Variants in TAS2R1 observed in about 807,000 individuals in gnomAD.
The protein encoded by TAS2R1 is taste receptor type 2 member 1.
For missense variants in TAS2R1, 370 were observed against 353.4 expected (o/e 1.05, Z -0.38); for synonymous variants, 141 against 134.2 (o/e 1.05, Z -0.35).
At chr5:9,828,955 T>C in the TAS2R1 span, among the ~76,000 whole-genome samples, 2 of 152,228 alleles carry the variant, frequency 1.3e-5, no homozygotes, top group African/African-American at 4.8e-5. Context: ...TTAGATCTAC[T>C]GGGTATATGG....
chr5:9,683,619 C>G (rs1741070556), intron 1 of TAS2R1, among the ~76,000 whole-genome samples: 1 of 152,174 alleles, frequency 6.6e-6, no homozygotes, highest in African/African-American at 2.4e-5. Flanking sequence ...TAGCTAGTGC[C>G]CTTGGCAGGC....
the TAS2R1 span, among the ~76,000 whole-genome samples, chr5:9,718,258 T>C: frequency 4.3e-4 from 64 of 150,042 alleles, no homozygotes; most frequent in South Asian, 2.9e-3. Flanking sequence ...CGTGAGCCAC[T>C]GCGCCCAGCC....
chr5:9,677,024 G>C (rs530988510), intron 1 of TAS2R1, among the ~76,000 whole-genome samples: 110 of 152,182 alleles, frequency 7.2e-4, no homozygotes, highest in Non-Finnish European at 9.1e-4. Flanking sequence ...ATCAGTGATA[G>C]ACTGGATAAA....
intron 2 of TAS2R1, among the ~76,000 whole-genome samples, chr5:9,635,356 T>C (rs1338710818): frequency 1.3e-5 from 2 of 152,168 alleles, no homozygotes; most frequent in Non-Finnish European, 2.9e-5. Flanking sequence ...GCTAGTATTT[T>C]GTTGGGGACT....
At chr5:9,824,031 C>T in the TAS2R1 span, among the ~76,000 whole-genome samples, 1 of 152,180 alleles carries the variant, frequency 6.6e-6, no homozygotes, top group East Asian at 1.9e-4. Flanking sequence ...CTCCTGAGAA[C>T]TGAAGCTATG....
At chr5:9,807,218 G>A in the TAS2R1 span, among the ~76,000 whole-genome samples, 2 of 152,098 alleles carry the variant, frequency 1.3e-5, no homozygotes, top group African/African-American at 4.8e-5. Flanking sequence ...CCTCACTGCT[G>A]CAAGAATGGC....
At chr5:9,881,268 T>C in the TAS2R1 span, among the ~76,000 whole-genome samples, 1 of 151,652 alleles carries the variant, frequency 6.6e-6, no homozygotes, top group Non-Finnish European at 1.5e-5. Flanking sequence ...ACAAAGAGAA[T>C]AAAATACCTA....
rs530560500 is a variant in TAS2R1 at position 9,644,756 on chromosome 5, G to A, written c.-81+14665C>T. 1.9e-4 allele frequency among the ~76,000 whole-genome samples: 29 copies of A among 152,250 alleles called. No homozygotes were observed. In the South Asian group the frequency reaches 6.0e-3, roughly 32 times the overall value. ...CTGTAAATAAGAAACCACATTTTGT[G>A]CATTCGTGTCACTTCGATTGTCCTG... On this transcript the variant is annotated intron_variant, in intron 2 of 2. Coordinates refer to the TAS2R1 transcript ENST00000506620.
At chr5:9,861,398 T>C in the TAS2R1 span, among the ~76,000 whole-genome samples, 1 of 152,218 alleles carries the variant, frequency 6.6e-6, no homozygotes, top group East Asian at 1.9e-4. Flanking sequence ...TTATTTTGTC[T>C]GTTTGGATCA....
the TAS2R1 span, among the ~76,000 whole-genome samples, chr5:9,848,183 G>A: frequency 6.6e-6 from 1 of 152,144 alleles, no homozygotes; most frequent in Non-Finnish European, 1.5e-5. Flanking sequence ...AATAAATTCC[G>A]CAGGTTTACA....
chr5:9,792,236 C>T, the TAS2R1 span, among the ~76,000 whole-genome samples: 2 of 152,138 alleles, frequency 1.3e-5, no homozygotes, highest in Non-Finnish European at 2.9e-5. Flanking sequence ...CACAGAAACA[C>T]ACACATATAT....
chr5:9,789,116 C>T, the TAS2R1 span, among the ~76,000 whole-genome samples: 1 of 152,152 alleles, frequency 6.6e-6, no homozygotes, highest in African/African-American at 2.4e-5. Context: ...CCCCAAGTAA[C>T]TTATCCAGCT....
At chr5:9,753,909 A>G in the TAS2R1 span, among the ~76,000 whole-genome samples, 1 of 152,078 alleles carries the variant, frequency 6.6e-6, no homozygotes, top group African/African-American at 2.4e-5. Flanking sequence ...TGGTCTATAT[A>G]TCTGTTTTGG....
the TAS2R1 span, among the ~76,000 whole-genome samples, chr5:9,899,996 T>A: frequency 6.6e-6 from 1 of 152,200 alleles, no homozygotes; most frequent in Non-Finnish European, 1.5e-5. Flanking sequence ...TAAGTCTCCA[T>A]TTCTCTAAGA....
the TAS2R1 span, among the ~76,000 whole-genome samples, chr5:9,838,360 G>A: frequency 1.3e-5 from 2 of 152,192 alleles, no homozygotes; most frequent in Admixed American, 6.5e-5. Context: ...TCAAGAGTAT[G>A]TGGGAAAGAG....
At chr5:9,880,368 T>C in the TAS2R1 span, among the ~76,000 whole-genome samples, 1 of 152,278 alleles carries the variant, frequency 6.6e-6, no homozygotes, top group South Asian at 2.1e-4. Context: ...AAAGAATTTG[T>C]TCCTGAGGCT....
At chr5:9,646,208 T>C (rs946740676) in intron 2 of TAS2R1, among the ~76,000 whole-genome samples, 2 of 152,124 alleles carry the variant, frequency 1.3e-5, no homozygotes, top group East Asian at 3.9e-4. Flanking sequence ...TACAAATTTC[T>C]TTTCTGGATT....
At chr5:9,834,357 T>G in the TAS2R1 span, among the ~76,000 whole-genome samples, 1 of 152,214 alleles carries the variant, frequency 6.6e-6, no homozygotes, top group African/African-American at 2.4e-5. Context: ...ACATGCAAGG[T>G]GCTTAAAATA....
the TAS2R1 span, among the ~76,000 whole-genome samples, chr5:9,879,989 T>A: frequency 2.9e-3 from 447 of 152,274 alleles, 2 homozygotes; most frequent in African/African-American, 0.01. Context: ...TTTGCTTGAT[T>A]TTCCTTTATC....
Sources: gnomAD v4.1 joint callset for allele counts (sites outside exome capture counted in the v4.1 genomes callset) on GRCh38, gnomAD v4.1.1 for gene constraint, MANE v1.5 for transcripts, NCBI Gene and HGNC (gene_info 2026-07-23, HGNC 2026-07-21) for gene names.